The following ADGRL3 variants were observed in gnomAD, a reference collection of about 807,000 sequenced individuals.
ADGRL3 encodes calcium-independent alpha-latrotoxin receptor 3.
In ADGRL3, 62 loss-of-function variants were observed where a neutral mutation model predicts 153.5. The ratio of observed to expected loss-of-function variants is 0.40; its 90% confidence interval spans 0.33 to 0.50. The LOEUF (loss-of-function observed/expected upper bound fraction) is 0.50, where lower values mean the gene tolerates loss of function less well. Ranked by LOEUF, ADGRL3 falls within the 20% of genes least tolerant of loss-of-function variation. The pLI, the probability that ADGRL3 is intolerant of heterozygous loss-of-function variation, is 0.47. For synonymous variants in ADGRL3, 710 were observed against 672.5 expected (o/e 1.06, Z -0.86); for missense variants, 1,641 against 1,859.4 (o/e 0.88, Z 2.16).
intron 8 of ADGRL3, among the ~76,000 whole-genome samples, chr4:61,739,077 TA>T (rs1310363056): frequency 6.6e-6 from 1 of 152,304 alleles, no homozygotes; most frequent in East Asian, 1.9e-4. Flanking sequence ...GGTGGAAACA[TA>T]AATCAGAACT....
intron 23 of ADGRL3, among the ~76,000 whole-genome samples, chr4:62,034,550 G>A (rs577703707): frequency 5.3e-5 from 8 of 151,770 alleles, no homozygotes; most frequent in East Asian, 3.9e-4. Context: ...AAAAACTGTC[G>A]TGTACTTGTC....
chr4:61,908,412 C>T (rs1284121555), intron 11 of ADGRL3, among the ~76,000 whole-genome samples: 3 of 152,002 alleles, frequency 2.0e-5, no homozygotes, highest in African/African-American at 7.2e-5. Flanking sequence ...GGCTGGGCAA[C>T]ATGGTGAAAC....
At chr4:61,298,275 A>G (rs2094475695) in intron 1 of ADGRL3, among the ~76,000 whole-genome samples, 1 of 152,180 alleles carries the variant, frequency 6.6e-6, no homozygotes, top group South Asian at 2.1e-4. Context: ...TCATGAGAAT[A>G]TCATAGTAAT....
intron 4 of ADGRL3, among the ~76,000 whole-genome samples, chr4:61,521,436 A>G (rs1308165917): frequency 1.3e-5 from 2 of 152,106 alleles, no homozygotes; most frequent in African/African-American, 4.8e-5. Flanking sequence ...GGAGTTTGAA[A>G]TTTTCCTGAT....
intron 9 of ADGRL3, among the ~76,000 whole-genome samples, chr4:61,817,884 A>G (rs977761882): frequency 2.0e-5 from 3 of 152,208 alleles, no homozygotes; most frequent in Admixed American, 2.0e-4. Flanking sequence ...CCATGATTCA[A>G]TTATTTCCCA....
chr4:61,368,259 A>G (rs1275215792), intron 1 of ADGRL3, among the ~76,000 whole-genome samples: 1 of 152,200 alleles, frequency 6.6e-6, no homozygotes, highest in Admixed American at 6.5e-5. Flanking sequence ...CCATTTGTCA[A>G]TTTTGGCTTT....
intron 2 of ADGRL3, among the ~76,000 whole-genome samples, chr4:61,485,977 T>C (rs374448369): frequency 1.3e-5 from 2 of 152,128 alleles, no homozygotes; most frequent in Admixed American, 1.3e-4. Context: ...GGAGTCTCGC[T>C]CTGTCGCCCC....
chr4:61,704,001 A>AT (rs2095813302), intron 6 of ADGRL3, among the ~76,000 whole-genome samples: 4 of 152,192 alleles, frequency 2.6e-5, no homozygotes, highest in African/African-American at 9.6e-5. Context: ...CTTTCTTTAG[A>AT]TATAACACCT....
intron 2 of ADGRL3, among the ~76,000 whole-genome samples, chr4:61,434,066 T>C (rs899244604): frequency 2.0e-5 from 3 of 152,140 alleles, no homozygotes; most frequent in African/African-American, 7.2e-5. Flanking sequence ...TGATTCAGTC[T>C]CCTTCACTGG....
chr4:61,283,411 C>T (rs1437740708), intron 1 of ADGRL3, among the ~76,000 whole-genome samples: 1 of 151,932 alleles, frequency 6.6e-6, no homozygotes, highest in Non-Finnish European at 1.5e-5. Context: ...AAGAATAGGA[C>T]CTCAGGTTCT....
chr4:61,208,168 C>A (rs1237648716), intron 1 of ADGRL3, among the ~76,000 whole-genome samples: 1 of 151,878 alleles, frequency 6.6e-6, no homozygotes, highest in Non-Finnish European at 1.5e-5. Context: ...TGGATCTAGG[C>A]CCTAGATCAA....
chr4:61,339,481 G>T (rs529548871), intron 1 of ADGRL3, among the ~76,000 whole-genome samples: 1 of 152,218 alleles, frequency 6.6e-6, no homozygotes, highest in African/African-American at 2.4e-5. Flanking sequence ...GCTGGCATTG[G>T]ATTTGGTTTA....
At chr4:61,562,034 G>A (rs1222702135) in intron 4 of ADGRL3, among the ~76,000 whole-genome samples, 1 of 151,836 alleles carries the variant, frequency 6.6e-6, no homozygotes, top group Non-Finnish European at 1.5e-5. Context: ...TGAGGGTTTG[G>A]TTCTGGACCA....
At chr4:61,577,822 AAG>A (rs199967522) in intron 4 of ADGRL3, among the ~76,000 whole-genome samples, 28,718 of 149,208 alleles carry the variant, frequency 0.19, 2,899 homozygotes, top group Non-Finnish European at 0.22. Flanking sequence ...CTTAAAAAAA[AAG>A]AAAAAAAAAG....
intron 23 of ADGRL3, among the ~76,000 whole-genome samples, chr4:62,035,297 C>T (rs1240599122): frequency 6.6e-6 from 1 of 151,884 alleles, no homozygotes; most frequent in Admixed American, 6.6e-5. Context: ...GCAAATAGCC[C>T]ACGATGAATT....
chr4:61,632,917 CT>C (rs2093251390), intron 5 of ADGRL3, among the ~76,000 whole-genome samples: 1 of 152,088 alleles, frequency 6.6e-6, no homozygotes, highest in Admixed American at 6.6e-5. Context: ...GGAAATAACA[CT>C]GATAACTTTT....
chr4:61,646,693 G>C (rs2094004329), intron 5 of ADGRL3, among the ~76,000 whole-genome samples: 1 of 152,040 alleles, frequency 6.6e-6, no homozygotes, highest in Admixed American at 6.6e-5. Flanking sequence ...TGTCAGACAG[G>C]GACACTTAAG....
intron 2 of ADGRL3, among the ~76,000 whole-genome samples, chr4:61,413,573 T>C (rs1400710943): frequency 1.3e-5 from 2 of 152,258 alleles, no homozygotes; most frequent in East Asian, 3.9e-4. Context: ...GTTTTCTCTG[T>C]TGTTTGCCTG....
chr4:61,594,365 G>C (rs1244919796), intron 5 of ADGRL3, among the ~76,000 whole-genome samples: 1 of 152,056 alleles, frequency 6.6e-6, no homozygotes, highest in African/African-American at 2.4e-5. Flanking sequence ...ATACTTATAG[G>C]TGTTCTTCAG....
Sources: gnomAD v4.1 joint callset for allele counts (sites outside exome capture counted in the v4.1 genomes callset) on GRCh38, gnomAD v4.1.1 for gene constraint, MANE v1.5 for transcripts, NCBI Gene and HGNC (gene_info 2026-07-23, HGNC 2026-07-21) for gene names.